The following LMNB1 variants were observed in gnomAD, a reference collection of about 807,000 sequenced individuals.
LMNB1 encodes lamin B1, also known as lamin-B1.
LMNB1 carries 23 observed loss-of-function variants against 67.1 expected under a neutral mutation model. The ratio of observed to expected loss-of-function variants is 0.34; its 90% CI spans 0.25 to 0.49. The LOEUF (loss-of-function observed/expected upper bound fraction) is 0.49, where lower values mean the gene tolerates loss of function less well. Ranked by LOEUF, LMNB1 falls within the 20% of genes least tolerant of loss-of-function variation. The pLI, the probability that LMNB1 is intolerant of heterozygous loss-of-function variation, is 0.99. For synonymous variants in LMNB1, 281 were observed against 282.9 expected, an observed-to-expected ratio of 0.99 and a Z score of 0.07; for missense variants, 634 against 746.5, an observed-to-expected ratio of 0.85 and a Z score of 1.76.
intron 1 of LMNB1, among the ~76,000 whole-genome samples, chr5:126,792,612 T>C (rs1330102157): frequency 1.4e-5 from 2 of 147,600 alleles, no homozygotes; most frequent in African/African-American, 5.0e-5. Context: ...GTTTCACTCT[T>C]GTTGCCCAGG....
In LMNB1 at chr5:126,819,012, A is replaced by G; in HGVS notation, c.1030A>G (p.Arg344Gly). 6.2e-7 allele frequency: 1 copy of G among 1,614,146 alleles called. No homozygotes were observed. The highest frequency in any genetic ancestry group is 8.5e-7 in the Non-Finnish European group (1 of 1,179,990). ...NSRRMLTDKE[R>G]EMAEIRDQMQ... ...TCGTCGCATGCTGACAGACAAAGAG[A>G]GAGAGATGGCGGAAATAAGGGATCA... The change falls in exon 6 of 11, where the codon AGA (arginine) becomes GGA (glycine). Residue 344 changes from arginine (R) to glycine (G), a missense_variant. Coordinates refer to ENST00000261366, the MANE Select transcript of LMNB1 (RefSeq NM_005573.4).
chr5:126,788,048 T>C (rs1580527107), intron 1 of LMNB1, among the ~76,000 whole-genome samples: 1 of 151,374 alleles, frequency 6.6e-6, no homozygotes, highest in Non-Finnish European at 1.5e-5. Context: ...CTGAGGCAGG[T>C]GGAAGAAAGG....
chr5:126,788,484 A>T (rs1187695490), intron 1 of LMNB1, among the ~76,000 whole-genome samples: 1 of 152,148 alleles, frequency 6.6e-6, no homozygotes, highest in Non-Finnish European at 1.5e-5. Flanking sequence ...TAAAAATGCA[A>T]AAATTAGCCA....
intron 9 of LMNB1, among the ~76,000 whole-genome samples, chr5:126,828,862 G>T (rs987075255): frequency 6.6e-6 from 1 of 152,026 alleles, no homozygotes; most frequent in Non-Finnish European, 1.5e-5. Flanking sequence ...GCCCGGCCAA[G>T]GTTGGTCCAT....
At chr5:126,819,294 T>G in intron 6 of LMNB1, 152 bp downstream of exon 6, 2 of 564,210 alleles carry the variant, frequency 3.5e-6, no homozygotes, top group South Asian at 5.0e-5. Flanking sequence ...TAGATCATAT[T>G]TCTACCTCAT....
At chr5:126,812,793 C>T (rs1346037258) in intron 5 of LMNB1, among the ~76,000 whole-genome samples, 2 of 141,916 alleles carry the variant, frequency 1.4e-5, no homozygotes, top group South Asian at 4.4e-4. Context: ...TGCAGTGGTA[C>T]GATCTCGGCT....
chr5:126,829,021 A>G (rs954256519), intron 9 of LMNB1, among the ~76,000 whole-genome samples: 2 of 152,234 alleles, frequency 1.3e-5, no homozygotes, highest in Admixed American at 6.5e-5. Context: ...CGATAAGACC[A>G]TATTTGTCAG....
At chr5:126,813,385 G>A (rs1751626321) in intron 5 of LMNB1, among the ~76,000 whole-genome samples, 1 of 152,216 alleles carries the variant, frequency 6.6e-6, no homozygotes, top group Non-Finnish European at 1.5e-5. Context: ...CCCAGAGGCT[G>A]CAGACTGATA....
intron 5 of LMNB1, among the ~76,000 whole-genome samples, chr5:126,814,003 C>T (rs1751642968): frequency 6.6e-6 from 1 of 152,054 alleles, no homozygotes; most frequent in South Asian, 2.1e-4. Context: ...TTAAGCAATT[C>T]CCCTGCCTTA....
chr5:126,777,197 C>T lies in LMNB1; in HGVS notation c.-312C>T. On this transcript the variant is annotated 5_prime_UTR_variant, in exon 1 of 11. Transcript: ENST00000261366. ...GCAGGAGACGGCGGCGGCGCGAACC[C>T]TGCTGGGCCTCCAGTCACCCTCGTC... 1 of 281,250 alleles carries T rather than the reference C, an allele frequency of 3.6e-6. No homozygotes were observed. The highest frequency in any genetic ancestry group is 6.6e-6 in the Non-Finnish European group (1 of 151,678). 17.4% of individuals were successfully genotyped at this position (281,250 alleles called of 1,614,324 possible).
chr5:126,803,320 A>G (rs893106229), intron 1 of LMNB1, among the ~76,000 whole-genome samples: 2 of 151,604 alleles, frequency 1.3e-5, no homozygotes, highest in African/African-American at 4.8e-5. Flanking sequence ...ATCTCGGCTC[A>G]CTGCAACCTC....
rs1201896579 is a variant in LMNB1 at position 126,803,076 on chromosome 5, C to T, written c.360-1700C>T. On this transcript the variant is annotated intron_variant, in intron 1 of 10. Transcript: ENST00000261366. ...TACCGCATGCCTGTAATCCCAGCTA[C>T]TTGGGAGGCTGAGGCATGAGAACCA... 2.0e-5 allele frequency among the ~76,000 whole-genome samples: 3 copies of T among 149,718 alleles called. No homozygotes were observed. In the Admixed American group the frequency reaches 2.0e-4, roughly 10 times the overall value.
chr5:126,785,448 C>T lies in LMNB1; in HGVS notation c.359+7581C>T, dbSNP rs560839764. On this transcript the variant is annotated intron_variant, in intron 1 of 10. Coordinates refer to ENST00000261366, the MANE Select transcript of LMNB1 (RefSeq NM_005573.4). ...CTGGGACTACAGGCACACGCCACCA[C>T]GTCGGCTAATTTTTTTTTTCTTTTT... 2.7e-4 allele frequency among the ~76,000 whole-genome samples: 41 copies of T among 151,086 alleles called. No individual in the cohort carries two copies. In the East Asian group the frequency reaches 4.5e-3, roughly 16 times the overall value.
chr5:126,809,844 GT>G (rs1751541055), intron 3 of LMNB1, among the ~76,000 whole-genome samples: 1 of 152,158 alleles, frequency 6.6e-6, no homozygotes, highest in South Asian at 2.1e-4. Flanking sequence ...TTTGCTTAGT[GT>G]TTAGTATAGT....
intron 6 of LMNB1, 137 bp downstream of exon 6, chr5:126,819,279 A>C (rs1253245850): frequency 1.7e-6 from 1 of 602,746 alleles, no homozygotes; most frequent in African/African-American, 1.9e-5. Flanking sequence ...GTATAGAAGT[A>C]GTAATAGATC....
chr5:126,779,260 G>T (rs1462142020), intron 1 of LMNB1, among the ~76,000 whole-genome samples: 1 of 152,294 alleles, frequency 6.6e-6, no homozygotes, highest in Non-Finnish European at 1.5e-5. Context: ...AGCGAAAAAC[G>T]ATAACTGCAC....
intron 6 of LMNB1, 151 bp from the exon 7 acceptor site, chr5:126,820,759 C>A (rs879771609): frequency 4.9e-6 from 3 of 617,006 alleles, no homozygotes; most frequent in Non-Finnish European, 8.5e-6. Flanking sequence ...CTCCTGACCT[C>A]AAGCAATCCA....
In LMNB1 at chr5:126,777,725, C is replaced by A. The variant is rs748913015; in HGVS notation, c.217C>A (p.Arg73Ser). 1 of 1,541,880 alleles carries A rather than the reference C, an allele frequency of 6.5e-7. No homozygotes were observed. ...QVTEREEVRG[R>S]ELTGLKALYE... ...GACGGAGCGCGAGGAGGTGCGCGGC[C>A]GTGAGCTCACCGGCCTCAAGGCGCT... is the stretch of plus-strand genomic sequence containing the variant. Residue 73 changes from arginine to serine, a missense_variant, in exon 1 of 11, where the codon CGT (arginine) becomes AGT (serine). Arg to Ser is a moderately radical substitution (Grantham distance 110, BLOSUM62 -1). Transcript: ENST00000261366.
chr5:126,812,718 C>CTTTTTTTTTTTTTTTTT (rs11430160), intron 5 of LMNB1, among the ~76,000 whole-genome samples: 1 of 117,138 alleles, frequency 8.5e-6, no homozygotes, highest in African/African-American at 3.4e-5. Flanking sequence ...CTTTATTTTA[C>CTTTTTTTTTTTTTTTTT]TTTTTTTTTT....
Sources: allele counts gnomAD v4.1 joint callset (sites outside exome capture counted in the v4.1 genomes callset), GRCh38; gene constraint gnomAD v4.1.1; transcripts MANE v1.5; gene names NCBI Gene and HGNC (gene_info 2026-07-23, HGNC 2026-07-21).